The following PIN1 variants were observed in gnomAD, a reference collection of about 807,000 sequenced individuals.
The protein encoded by PIN1 is peptidyl-prolyl cis-trans isomerase NIMA-interacting 1.
PIN1 carries 8 observed loss-of-function variants against 19.9 expected under a neutral mutation model. The observed-to-expected ratio is 0.40, with a 90% CI of 0.24 to 0.72. The LOEUF is 0.72. Among genes scored for constraint, PIN1 ranks in the 30% least tolerant of loss-of-function variants. The probability of loss-of-function intolerance (pLI) is 0.37; values close to 1 mark genes in which losing one functional copy is unlikely to be tolerated. For missense variants in PIN1, 185 were observed against 226.5 expected (o/e 0.82, Z 1.18); for synonymous variants, 86 against 90.8 (o/e 0.95, Z 0.30).
In PIN1 at chr19:9,849,072, G is replaced by T. The variant is rs375716976; in HGVS notation, c.383-18G>T. The T allele has an allele frequency of 6.3e-7, 1 of 1,576,072 alleles. No individual in the cohort carries two copies. The highest frequency in any genetic ancestry group is 1.1e-5 in the South Asian group (1 of 90,136). On this transcript the variant is annotated intron_variant, in intron 3 of 3. Transcript: ENST00000247970. ...CCAGCCCAGCCCTGACACCCCCACC[G>T]CCCCTCCTGGCTCCCAGGTCAGATG...
Position 9,838,951 on chromosome 19 carries a change from C to T in PIN1, c.271+303C>T, listed in dbSNP as rs778145383. On this transcript the variant is annotated intron_variant, in intron 2 of 3. Transcript: ENST00000247970. The surrounding 1 kb of genome is among the most constrained non-coding windows in gnomAD (Gnocchi z 5.8). ...GACCTTTGGGAGGGGACTCGTGTCA[C>T]CTCCCCTAGACTCAGCTTTCTCTGT... Among the ~76,000 whole-genome samples, 75 of 152,140 alleles carry T rather than the reference C, an allele frequency of 4.9e-4. No individual in the cohort carries two copies. Among genetic ancestry groups the T allele is most frequent in the Non-Finnish European group, 1.2e-4 (8 of 68,038 alleles).
At position 9,838,985 on chromosome 19, in the gene PIN1, C is replaced by T. The variant is rs2046139422; in HGVS notation, c.271+337C>T. Among the ~76,000 whole-genome samples, 1 of 152,178 alleles carries T rather than the reference C, an allele frequency of 6.6e-6. No individual in the cohort carries two copies. ...GACTCAGCTTTCTCTGTAAAATGGG[C>T]ATCCTCTAAGGACCATTGTGAAGGT... On this transcript the variant is annotated intron_variant, in intron 2 of 3. Transcript: ENST00000247970. The surrounding 1 kb of genome is among the most constrained non-coding windows in gnomAD (Gnocchi z 5.8).
rs2046217249 is a variant in PIN1 at position 9,846,053 on chromosome 19, G to C, written c.272-1977G>C. ...GGCCAAGGAGATACCTAGAAGTTCAGGGAGAGGAGGGGTGGGAGGGGGTCC... is the reference window on the plus strand; with the variant it reads ...GGCCAAGGAGATACCTAGAAGTTCACGGAGAGGAGGGGTGGGAGGGGGTCC... On this transcript the variant is annotated intron_variant, in intron 2 of 3. Transcript: ENST00000247970. This position sits in a 1 kb window ranked among gnomAD's most constrained non-coding sequence, Gnocchi z 5.9. 6.6e-6 allele frequency among the ~76,000 whole-genome samples: 1 copy of C among 152,188 alleles called. No individual in the cohort carries two copies. The highest frequency in any genetic ancestry group is 2.4e-5 in the African/African-American group (1 of 41,438).
At chr19:9,847,010 C>T (rs919603515) in intron 2 of PIN1, among the ~76,000 whole-genome samples, 2 of 152,082 alleles carry the variant, frequency 1.3e-5, no homozygotes, top group African/African-American at 2.4e-5. Flanking sequence ...GAAGGGACGC[C>T]CGTTTGTGTC....
Position 9,835,333 on chromosome 19 carries a change from G to A in PIN1, c.-12G>A. On this transcript the variant is annotated 5_prime_UTR_variant, in exon 1 of 4. Transcript: ENST00000247970. ...CAGCTGAGGCGGAGCAGGCGCTGCGGCAGGAGGGAAGATGGCGGACGAGGA... is the reference window on the plus strand; with the variant it reads ...CAGCTGAGGCGGAGCAGGCGCTGCGACAGGAGGGAAGATGGCGGACGAGGA... 3 of 1,525,052 alleles carry A rather than the reference G, an allele frequency of 2.0e-6. No homozygotes were observed. Among genetic ancestry groups the A allele is most frequent in the South Asian group, 2.4e-5 (2 of 82,730 alleles). 94.5% of individuals were successfully genotyped at this position (1,525,052 alleles called of 1,614,324 possible).
Position 9,848,084 on chromosome 19 carries a change from A to T in PIN1, c.326A>T (p.Gln109Leu). 1 of 1,613,768 alleles carries T rather than the reference A, an allele frequency of 6.2e-7. No individual in the cohort carries two copies. Among genetic ancestry groups the T allele is most frequent in the South Asian group, 1.1e-5 (1 of 91,080 alleles). ...GEEDFESLAS[Q>L]FSDCSSAKAR... ...GAGGACTTTGAGTCTCTGGCCTCAC[A>T]GTTCAGCGACTGCAGCTCAGCCAAG... Residue 109 changes from glutamine (Q) to leucine (L), a missense_variant, in exon 3 of 4, where the codon CAG (glutamine) becomes CTG (leucine). Gln to Leu is a moderately radical substitution (Grantham distance 113). Coordinates refer to ENST00000247970, the MANE Select transcript of PIN1 (RefSeq NM_006221.4).
chr19:9,839,672 CTTTACTA>C (rs1291687703), intron 2 of PIN1, among the ~76,000 whole-genome samples: 4 of 152,268 alleles, frequency 2.6e-5, no homozygotes, highest in Non-Finnish European at 5.9e-5. Flanking sequence ...GCCAAGAAAA[CTTTACTA>C]TTTACAAAAT....
At position 9,838,781 on chromosome 19, in the gene PIN1, G is replaced by C; in HGVS notation, c.271+133G>C. ...TGTTGGCCAACACAAAAACGCCAGTGCATGACCTGACCCTGACCTTCACAG... is the reference window on the plus strand; with the variant it reads ...TGTTGGCCAACACAAAAACGCCAGTCCATGACCTGACCCTGACCTTCACAG... On this transcript the variant is annotated intron_variant, in intron 2 of 3. Transcript: ENST00000247970. This position sits in a 1 kb window ranked among gnomAD's most constrained non-coding sequence, Gnocchi z 5.8. The C allele has an allele frequency of 1.5e-6, 1 of 671,572 alleles. No homozygotes were observed. The highest frequency in any genetic ancestry group is 2.5e-6 in the Non-Finnish European group (1 of 392,856). The allele number at this position is 671,572 out of a possible 1,614,324, so 41.6% of individuals were successfully genotyped here.
chr19:9,849,437 A>C lies in PIN1; in HGVS notation c.*238A>C. 1.4e-6 allele frequency: 1 copy of C among 737,410 alleles called. No individual in the cohort carries two copies. The allele number at this position is 737,410 out of a possible 1,614,324, so 45.7% of individuals were successfully genotyped here. ...GATTCTCCCTTAAGGAATTGACTTC[A>C]GCAGGGGTGGGAGGCTCCCAGACCC... is the stretch of plus-strand genomic sequence containing the variant. On this transcript the variant is annotated 3_prime_UTR_variant, in exon 4 of 4. Transcript: ENST00000247970.
In PIN1 at chr19:9,838,370, G is replaced by A. The variant is rs2046130871; in HGVS notation, c.59-66G>A. The A allele has an allele frequency of 1.5e-6, 2 of 1,336,504 alleles. No individual in the cohort carries two copies. Among genetic ancestry groups the A allele is most frequent in the South Asian group, 1.3e-5 (1 of 79,544 alleles). 82.8% of individuals were successfully genotyped at this position (1,336,504 alleles called of 1,614,324 possible). A position where few individuals can be genotyped will look rare whatever the true frequency, so the allele number is the denominator to read the frequency against. ...AGCCAGGCCCTCACCCTGGCTTCTG[G>A]CTGTGGGCCCAGGGGTGTCCTGGGA... On this transcript the variant is annotated intron_variant, in intron 1 of 3. Coordinates refer to ENST00000247970, the MANE Select transcript of PIN1 (RefSeq NM_006221.4). The surrounding 1 kb of genome is among the most constrained non-coding windows in gnomAD (Gnocchi z 5.8).
chr19:9,836,544 T>G (rs1185738131), intron 1 of PIN1: 1 of 257,096 alleles, frequency 3.9e-6, no homozygotes, highest in Non-Finnish European at 8.0e-6. Context: ...CTGTTTCTGC[T>G]CAGTTCAACC....
At chr19:9,844,621 G>A (rs924977436) in intron 2 of PIN1, among the ~76,000 whole-genome samples, 7 of 152,316 alleles carry the variant, frequency 4.6e-5, no homozygotes, top group African/African-American at 1.7e-4. Context: ...GTGGTTCTAA[G>A]CTGGAGCCAC....
At chr19:9,841,254 G>C (rs2046162993) in intron 2 of PIN1, among the ~76,000 whole-genome samples, 1 of 152,210 alleles carries the variant, frequency 6.6e-6, no homozygotes, top group Non-Finnish European at 1.5e-5. Context: ...TTCTTGCACA[G>C]AATCTTGAAG....
chr19:9,840,355 C>T (rs1046532822), intron 2 of PIN1, among the ~76,000 whole-genome samples: 3 of 152,192 alleles, frequency 2.0e-5, no homozygotes, highest in Non-Finnish European at 4.4e-5. Context: ...CCACTGCACT[C>T]CAGCCTCGGC....
In PIN1 at chr19:9,849,299, C is replaced by T. The variant is rs2046252277; in HGVS notation, c.*100C>T. 1 of 778,370 alleles carries T rather than the reference C, an allele frequency of 1.3e-6. No homozygotes were observed. The highest frequency in any genetic ancestry group is 2.2e-6 in the Non-Finnish European group (1 of 448,112). The allele number at this position is 778,370 out of a possible 1,614,324, so 48.2% of individuals were successfully genotyped here. On this transcript the variant is annotated 3_prime_UTR_variant, in exon 4 of 4. Coordinates refer to ENST00000247970, the MANE Select transcript of PIN1 (RefSeq NM_006221.4). ...CAGTGGCCGAACCCCCCACTCCCTGCCACCGTCACACAGTATTTATTGTTC... is the reference window on the plus strand; with the variant it reads ...CAGTGGCCGAACCCCCCACTCCCTGTCACCGTCACACAGTATTTATTGTTC...
At chr19:9,843,649 TC>T (rs1290546912) in intron 2 of PIN1, among the ~76,000 whole-genome samples, 16 of 152,302 alleles carry the variant, frequency 1.1e-4, no homozygotes, top group African/African-American at 3.8e-4. Flanking sequence ...AGAACCCACT[TC>T]CTGGCTTGTA....
In PIN1 at chr19:9,849,200, G is replaced by C; in HGVS notation, c.*1G>C. 1 of 1,601,870 alleles carries C rather than the reference G, an allele frequency of 6.2e-7. No homozygotes were observed. The highest frequency in any genetic ancestry group is 8.5e-7 in the Non-Finnish European group (1 of 1,171,188). Reference sequence around the variant, plus strand: ...CCACATCATCCTCCGCACTGAGTGAGGGTGGGGAGCCCAGGCCTGGCCTCG... The same window carrying C: ...CCACATCATCCTCCGCACTGAGTGACGGTGGGGAGCCCAGGCCTGGCCTCG... On this transcript the variant is annotated 3_prime_UTR_variant, in exon 4 of 4. Transcript: ENST00000247970.
intron 2 of PIN1, among the ~76,000 whole-genome samples, chr19:9,845,592 A>T (rs893934958): frequency 1.3e-5 from 2 of 152,146 alleles, no homozygotes; most frequent in African/African-American, 4.8e-5. Flanking sequence ...CCTGAACAAT[A>T]AAGTGCGACC....
intron 2 of PIN1, among the ~76,000 whole-genome samples, chr19:9,845,938 G>A (rs1015931952): frequency 6.6e-6 from 1 of 152,158 alleles, no homozygotes; most frequent in Non-Finnish European, 1.5e-5. Flanking sequence ...CGAAGTAGGT[G>A]GGTACCTCTG....
Sources: allele counts gnomAD v4.1 joint callset (sites outside exome capture counted in the v4.1 genomes callset), GRCh38; gene constraint gnomAD v4.1.1; non-coding constraint Gnocchi (gnomAD v3.1); transcripts MANE v1.5; gene names NCBI Gene and HGNC (gene_info 2026-07-23, HGNC 2026-07-21).